The following XXYLT1 variants were observed in gnomAD, a reference collection of about 807,000 sequenced individuals.
XXYLT1 encodes the protein xyloside xylosyltransferase 1, also known as UDP-xylose:alpha-xyloside alpha-1,3-xylosyltransferase.
A neutral mutation model predicts 28.9 loss-of-function variants in XXYLT1; 20 were observed. The observed-to-expected ratio is 0.69, with a 90% confidence interval of 0.49 to 1.00. The LOEUF is 1.00. XXYLT1 is among the 50% of genes least tolerant of loss of function. The pLI is 0.00. For missense variants in XXYLT1, 542 were observed against 560.1 expected (o/e 0.97, Z 0.33); for synonymous variants, 257 against 253.8 (o/e 1.01, Z -0.12).
chr3:195,165,112 A>T (rs538420440), intron 2 of XXYLT1, among the ~76,000 whole-genome samples: 1 of 152,144 alleles, frequency 6.6e-6, no homozygotes, highest in East Asian at 1.9e-4. Flanking sequence ...CGTGTCTCTA[A>T]CATGAAGGTC....
chr3:195,258,617 C>T (rs1160678264), intron 1 of XXYLT1, among the ~76,000 whole-genome samples: 1 of 152,200 alleles, frequency 6.6e-6, no homozygotes, highest in Non-Finnish European at 1.5e-5. Context: ...GAGCACAGGC[C>T]GGCTAGCACT....
At chr3:195,088,048 T>G (rs920727345) in intron 3 of XXYLT1, among the ~76,000 whole-genome samples, 11 of 151,966 alleles carry the variant, frequency 7.2e-5, no homozygotes, top group Non-Finnish European at 1.2e-4. Context: ...CCACGGAGTC[T>G]CGCTGATTGC....
At chr3:195,247,229 C>T (rs1027795495) in intron 1 of XXYLT1, among the ~76,000 whole-genome samples, 8 of 152,110 alleles carry the variant, frequency 5.3e-5, no homozygotes, top group Non-Finnish European at 7.4e-5. Context: ...GGCGAACGGC[C>T]GTTCCAGGAT....
At chr3:195,139,311 CG>C (rs1719360601) in intron 3 of XXYLT1, among the ~76,000 whole-genome samples, 1 of 152,012 alleles carries the variant, frequency 6.6e-6, no homozygotes, top group South Asian at 2.1e-4. Flanking sequence ...AATTGAAAGT[CG>C]AGCAGAGAGT....
chr3:195,270,228 C>T (rs1477981002), intron 1 of XXYLT1: 2 of 583,748 alleles, frequency 3.4e-6, no homozygotes, highest in African/African-American at 3.7e-5. Context: ...AACAGAGGTG[C>T]AGACTCTGAA....
intron 2 of XXYLT1, among the ~76,000 whole-genome samples, chr3:195,223,672 A>C (rs981773903): frequency 3.9e-5 from 6 of 152,164 alleles, no homozygotes; most frequent in Admixed American, 2.6e-4. Flanking sequence ...TCCTTCCAAA[A>C]ACTGCAGGAA....
chr3:195,255,361 A>C lies in XXYLT1; in HGVS notation c.504+15194T>G, dbSNP rs931827470. Among the ~76,000 whole-genome samples the C allele has an allele frequency of 2.0e-5, 3 of 152,176 alleles. No individual in the cohort carries two copies. Among genetic ancestry groups the C allele is most frequent in the African/African-American group, 7.2e-5 (3 of 41,454 alleles). On this transcript the variant is annotated intron_variant, in intron 1 of 3. Transcript: ENST00000310380. The surrounding 1 kb of genome is among the most constrained non-coding windows in gnomAD (Gnocchi z 4.5). The stretch of plus-strand genomic sequence containing the variant: ...GCTCGCACCCACGAGCTCAGCCCCC[A>C]GCAGGACCCAGTCGGGCTGGGGACT...
intron 2 of XXYLT1, among the ~76,000 whole-genome samples, chr3:195,225,236 C>T (rs1022431361): frequency 6.6e-6 from 1 of 152,170 alleles, no homozygotes; most frequent in Admixed American, 6.5e-5. Context: ...TCGGTGAGCT[C>T]GTCTCCTCTC....
At position 195,195,087 on chromosome 3, in the gene XXYLT1, T is replaced by G. The variant is rs902184938; in HGVS notation, c.652+31622A>C. 1.3e-5 allele frequency among the ~76,000 whole-genome samples: 2 copies of G among 152,142 alleles called. No individual in the cohort carries two copies. Among genetic ancestry groups the G allele is most frequent in the African/African-American group, 4.8e-5 (2 of 41,426 alleles). ...ACCTCAACAAAGCTGGGTTTTTTTT[T>G]TAAAAGGACAATGTACATAAAAATT... On this transcript the variant is annotated intron_variant, in intron 2 of 3. Coordinates refer to ENST00000310380, the MANE Select transcript of XXYLT1 (RefSeq NM_152531.5). This position sits in a 1 kb window ranked among gnomAD's most constrained non-coding sequence, Gnocchi z 4.4.
intron 3 of XXYLT1, among the ~76,000 whole-genome samples, chr3:195,155,731 A>G (rs1720552367): frequency 7.0e-6 from 1 of 142,282 alleles, no homozygotes; most frequent in African/African-American, 2.6e-5. Context: ...GCACCTGCAC[A>G]TGTGCATCCC....
chr3:195,157,778 C>T (rs528319371), intron 2 of XXYLT1, among the ~76,000 whole-genome samples: 1 of 152,336 alleles, frequency 6.6e-6, no homozygotes, highest in African/African-American at 2.4e-5. Flanking sequence ...AATGATGAAG[C>T]AGCGAGAGCA....
intron 1 of XXYLT1, among the ~76,000 whole-genome samples, 188 bp from the exon 2 acceptor site, chr3:195,227,044 G>A (rs1430206941): frequency 6.6e-6 from 1 of 152,128 alleles, no homozygotes; most frequent in Non-Finnish European, 1.5e-5. Flanking sequence ...AGTCAGAATT[G>A]AGGCCGCACT....
rs562577065 is a variant in XXYLT1, at chr3:195,226,748, A to C, written c.613T>G (p.Phe205Val). Residue 205 changes from phenylalanine to valine, a missense_variant, in exon 2 of 4, where the codon TTC (phenylalanine) becomes GTC (valine). Coordinates refer to ENST00000310380, the MANE Select transcript of XXYLT1 (RefSeq NM_152531.5). ...GLGTYYSDSI[F>V]FLSVAMHQIM... ...TGATGCATGGCGACCGAGAGGAAGAAGATGGAGTCACTGTAGTAGGTTCCC... is the reference window on the plus strand; with the variant it reads ...TGATGCATGGCGACCGAGAGGAAGACGATGGAGTCACTGTAGTAGGTTCCC... The C allele has an allele frequency of 1.2e-6, 2 of 1,613,730 alleles. No individual in the cohort carries two copies. Among genetic ancestry groups the C allele is most frequent in the Non-Finnish European group, 1.7e-6 (2 of 1,179,978 alleles).
intron 2 of XXYLT1, among the ~76,000 whole-genome samples, chr3:195,225,539 G>A (rs1319266841): frequency 6.6e-6 from 1 of 152,296 alleles, no homozygotes; most frequent in African/African-American, 2.4e-5. Flanking sequence ...TGCCTGGTCT[G>A]GAAACTGCTG....
Position 195,271,111 on chromosome 3 carries a change from G to T in XXYLT1, c.-53C>A. The T allele has an allele frequency of 7.8e-7, 1 of 1,282,960 alleles. No individual in the cohort carries two copies. The allele number at this position is 1,282,960 out of a possible 1,614,324, so 79.5% of individuals were successfully genotyped here. On this transcript the variant is annotated 5_prime_UTR_variant, in exon 1 of 4. Coordinates refer to ENST00000310380, the MANE Select transcript of XXYLT1 (RefSeq NM_152531.5). ...GCCAGCAACGCGGGAGAGCCCTCGG[G>T]TACCCGGACGCCGGCGGCCACTTAG...
At chr3:195,247,670 C>G in intron 1 of XXYLT1, 1 of 593,490 alleles carries the variant, frequency 1.7e-6, no homozygotes, top group Non-Finnish European at 3.1e-6. Flanking sequence ...ACCCTCCGAC[C>G]CCAGGGCAGG....
intron 2 of XXYLT1, among the ~76,000 whole-genome samples, chr3:195,166,138 C>T (rs1351963337): frequency 6.6e-6 from 1 of 152,086 alleles, no homozygotes; most frequent in African/African-American, 2.4e-5. Context: ...CAGAAGTCCC[C>T]ACACATTTCA....
intron 2 of XXYLT1, among the ~76,000 whole-genome samples, chr3:195,202,900 T>A (rs1287705100): frequency 6.6e-6 from 1 of 152,218 alleles, no homozygotes; most frequent in Non-Finnish European, 1.5e-5. Context: ...TTTTTTTTAA[T>A]AATCTTGGAA....
intron 1 of XXYLT1, among the ~76,000 whole-genome samples, chr3:195,248,965 A>T (rs1434630767): frequency 2.0e-5 from 3 of 152,204 alleles, no homozygotes; most frequent in Admixed American, 6.5e-5. Flanking sequence ...AGTCTCGGGT[A>T]TGTCTTTATC....
Sources: allele counts gnomAD v4.1 joint callset (sites outside exome capture counted in the v4.1 genomes callset), GRCh38; gene constraint gnomAD v4.1.1; non-coding constraint Gnocchi (gnomAD v3.1); transcripts MANE v1.5; gene names NCBI Gene and HGNC (gene_info 2026-07-23, HGNC 2026-07-21).